Variants in PDGFB observed in about 807,000 individuals in gnomAD.
The protein encoded by PDGFB is platelet-derived growth factor subunit B.
PDGFB carries 6 observed loss-of-function variants against 29.0 expected under a neutral mutation model. The observed-to-expected ratio is 0.21, with a 90% CI of 0.11 to 0.41. PDGFB has a LOEUF of 0.41. PDGFB is among the 10% of genes least tolerant of loss of function. PDGFB has a pLI of 1.00. For synonymous variants in PDGFB, 144 were observed against 140.8 expected (o/e 1.02, Z -0.16); for missense variants, 299 against 341.8 (o/e 0.87, Z 0.99).
chr22:39,233,964 GCCCCTCT>G (rs1932376753), intron 2 of PDGFB, among the ~76,000 whole-genome samples: 1 of 139,980 alleles, frequency 7.1e-6, no homozygotes, highest in Non-Finnish European at 1.5e-5. Context: ...CCTGAACACA[GCCCCTCT>G]GGAGCCCCGG....
intron 5 of PDGFB, 87 bp downstream of exon 5, chr22:39,229,997 G>T: frequency 1.4e-6 from 2 of 1,461,578 alleles, no homozygotes; most frequent in Non-Finnish European, 1.9e-6. Flanking sequence ...GGGCGGGCCT[G>T]ATCCCATTTC....
Position 39,242,894 on chromosome 22 carries a change from C to G in PDGFB, c.63+1007G>C, listed in dbSNP as rs565483109. 2 of 232,888 alleles carry G rather than the reference C, an allele frequency of 8.6e-6. No homozygotes were observed. Among genetic ancestry groups the G allele is most frequent in the Admixed American group, 5.6e-5 (1 of 17,780 alleles). The allele number at this position is 232,888 out of a possible 1,614,324, so 14.4% of individuals were successfully genotyped here. On this transcript the variant is annotated intron_variant, in intron 1 of 6. Coordinates refer to ENST00000331163, the MANE Select transcript of PDGFB (RefSeq NM_002608.4). The surrounding 1 kb of genome is among the most constrained non-coding windows in gnomAD (Gnocchi z 5.7). ...GGCTGCCCTCTCCTCCCCTCCACCGCGCGCGTCGTCCTGCCCCGCCCCCTT... is the reference window on the plus strand; with the variant it reads ...GGCTGCCCTCTCCTCCCCTCCACCGGGCGCGTCGTCCTGCCCCGCCCCCTT...
rs767835511 is a variant in PDGFB at position 39,240,862 on chromosome 22, A to G, written c.63+3039T>C. On this transcript the variant is annotated intron_variant, in intron 1 of 6. Transcript: ENST00000331163. Reference sequence around the variant, plus strand: ...ACGTGGAGAGGTACTTACGAGGCCCATGATAAACATCTCACCATTCCTGCT... The same window carrying G: ...ACGTGGAGAGGTACTTACGAGGCCCGTGATAAACATCTCACCATTCCTGCT... The G allele has an allele frequency of 3.1e-5, 50 of 1,613,576 alleles. No individual in the cohort carries two copies. The East Asian group carries it at 4.0e-4, about 13-fold the overall frequency.
intron 1 of PDGFB, chr22:39,240,735 G>T: frequency 8.4e-7 from 1 of 1,183,528 alleles, no homozygotes; most frequent in South Asian, 1.2e-5. Flanking sequence ...TAATGGGGTT[G>T]ACACTCCAGT....
chr22:39,228,298 A>T (rs1255841506), intron 5 of PDGFB, among the ~76,000 whole-genome samples: 1 of 152,262 alleles, frequency 6.6e-6, no homozygotes, highest in East Asian at 1.9e-4. Context: ...CACTCTAAAC[A>T]TAAAGAAGGC....
At chr22:39,240,100 T>C (rs903259847) in intron 1 of PDGFB, among the ~76,000 whole-genome samples, 53 of 152,228 alleles carry the variant, frequency 3.5e-4, no homozygotes, top group African/African-American at 1.3e-3. Context: ...CCACCTAGCA[T>C]TCCCCTTCTT....
Position 39,243,987 on chromosome 22 carries a change from G to A in PDGFB, c.-24C>T, listed in dbSNP as rs1021409439. 2.5e-6 allele frequency: 4 copies of A among 1,570,090 alleles called. No individual in the cohort carries two copies. In the Admixed American group the frequency reaches 5.4e-5, roughly 21 times the overall value. ...ATGCCGACTCCGGGCCCGGCCCCGC[G>A]GGGCCCCGGACGCGTAGATCGAGCG... On this transcript the variant is annotated 5_prime_UTR_variant, in exon 1 of 7. Coordinates refer to ENST00000331163, the MANE Select transcript of PDGFB (RefSeq NM_002608.4). The surrounding 1 kb of genome is among the most constrained non-coding windows in gnomAD (Gnocchi z 6.4).
intron 2 of PDGFB, among the ~76,000 whole-genome samples, chr22:39,234,095 G>C (rs1304155204): frequency 2.6e-5 from 4 of 152,104 alleles, no homozygotes; most frequent in South Asian, 2.1e-4. Flanking sequence ...TGGGCCTGCT[G>C]GGGGTGGGGA....
intron 1 of PDGFB, among the ~76,000 whole-genome samples, chr22:39,238,201 G>A (rs1396267290): frequency 6.6e-6 from 1 of 152,184 alleles, no homozygotes. Flanking sequence ...GAGGAGGAGA[G>A]AGAGGCACAT....
In PDGFB at chr22:39,231,890, G is replaced by A; in HGVS notation, c.251-63C>T. The A allele has an allele frequency of 4.8e-6, 7 of 1,461,166 alleles. 1 individual carries two copies. The South Asian group carries it at 8.4e-5, about 18-fold the overall frequency. The allele number at this position is 1,461,166 out of a possible 1,614,324, so 90.5% of individuals were successfully genotyped here. ...TGTCCAGAGTCCCCCCACTTGGCAG[G>A]GGAGCTCAGCGGGTGCCTCCGGGAC... On this transcript the variant is annotated intron_variant, in intron 3 of 6. Transcript: ENST00000331163. This position sits in a 1 kb window ranked among gnomAD's most constrained non-coding sequence, Gnocchi z 4.3.
intron 1 of PDGFB, among the ~76,000 whole-genome samples, chr22:39,236,363 C>T (rs1330530844): frequency 6.6e-6 from 1 of 152,200 alleles, no homozygotes. Flanking sequence ...AGCCTGTACT[C>T]CCAGGCTCCT....
chr22:39,240,047 C>A (rs73884886), intron 1 of PDGFB, among the ~76,000 whole-genome samples: 6,549 of 152,294 alleles, frequency 0.043, 411 homozygotes, highest in African/African-American at 0.15. Context: ...TTTGAAGAAG[C>A]CCTCTCGGGG....
In PDGFB at chr22:39,244,377, G is replaced by A. The variant is rs1436066915; in HGVS notation, c.-414C>T. On this transcript the variant is annotated 5_prime_UTR_variant, in exon 1 of 7. Transcript: ENST00000331163. This position sits in a 1 kb window ranked among gnomAD's most constrained non-coding sequence, Gnocchi z 4.5. ...TCGCCGGCTACAGGCGTTTTCCTCTGCCCGCCGGCTTAGCTTTTTTGCAAC... is the reference window on the plus strand; with the variant it reads ...TCGCCGGCTACAGGCGTTTTCCTCTACCCGCCGGCTTAGCTTTTTTGCAAC... 1 of 192,724 alleles carries A rather than the reference G, an allele frequency of 5.2e-6. No homozygotes were observed. The highest frequency in any genetic ancestry group is 2.3e-5 in the African/African-American group (1 of 42,934). The allele number at this position is 192,724 out of a possible 1,614,324, so 11.9% of individuals were successfully genotyped here. A position where few individuals can be genotyped will look rare whatever the true frequency, so the allele number is the denominator to read the frequency against.
rs749437904 is a variant in PDGFB, at chr22:39,234,725, A to G, written c.160+1053T>C. ...AAAGATGCGCTTTGTGGAAAGGTTAAGTTGATTAGGAAAAAATAGCCACAT... is the reference window on the plus strand; with the variant it reads ...AAAGATGCGCTTTGTGGAAAGGTTAGGTTGATTAGGAAAAAATAGCCACAT... On this transcript the variant is annotated intron_variant, in intron 2 of 6. Transcript: ENST00000331163. Among the ~76,000 whole-genome samples, 18 of 152,366 alleles carry G rather than the reference A, an allele frequency of 1.2e-4. 1 individual carries two copies. The highest frequency in any genetic ancestry group is 3.4e-3 in the Middle Eastern group (1 of 294).
intron 1 of PDGFB, chr22:39,241,156 A>T (rs549255120): frequency 3.7e-6 from 2 of 533,868 alleles, no homozygotes; most frequent in South Asian, 4.6e-5. Context: ...GTCACGTGAC[A>T]GTGGGACTCG....
intron 5 of PDGFB, among the ~76,000 whole-genome samples, chr22:39,227,086 G>T (rs540033355): frequency 6.6e-6 from 1 of 152,222 alleles, no homozygotes; most frequent in Non-Finnish European, 1.5e-5. Context: ...AGCCTCCCGA[G>T]TAGCTGGGAT....
rs1440983404 is a variant in PDGFB at position 39,243,289 on chromosome 22, T to C, written c.63+612A>G. Among the ~76,000 whole-genome samples the C allele has an allele frequency of 1.3e-5, 2 of 151,606 alleles. No homozygotes were observed. Among genetic ancestry groups the C allele is most frequent in the Non-Finnish European group, 2.9e-5 (2 of 67,846 alleles). ...CTCTCTCTCTTTCTCTCTCTCTCTC[T>C]CTCTCTCCCTGTTACTCCCACCCCA... On this transcript the variant is annotated intron_variant, in intron 1 of 6. Coordinates refer to ENST00000331163, the MANE Select transcript of PDGFB (RefSeq NM_002608.4). The surrounding 1 kb of genome is among the most constrained non-coding windows in gnomAD (Gnocchi z 6.4).
Position 39,243,998 on chromosome 22 carries a change from C to G in PDGFB, c.-35G>C. The G allele has an allele frequency of 7.3e-7, 1 of 1,363,876 alleles. No homozygotes were observed. Among genetic ancestry groups the G allele is most frequent in the Non-Finnish European group, 9.8e-7 (1 of 1,022,910 alleles). The allele number at this position is 1,363,876 out of a possible 1,614,324, so 84.5% of individuals were successfully genotyped here. On this transcript the variant is annotated 5_prime_UTR_variant, in exon 1 of 7. Coordinates refer to ENST00000331163, the MANE Select transcript of PDGFB (RefSeq NM_002608.4). The surrounding 1 kb of genome is among the most constrained non-coding windows in gnomAD (Gnocchi z 6.4). ...GGGCCCGGCCCCGCGGGGCCCCGGA[C>G]GCGTAGATCGAGCGCGCCGCCCCCG... is the stretch of plus-strand genomic sequence containing the variant.
rs190810375 is a variant in PDGFB, at chr22:39,224,895, C to A, written c.*447G>T. On this transcript the variant is annotated 3_prime_UTR_variant, in exon 7 of 7. Coordinates refer to ENST00000331163, the MANE Select transcript of PDGFB (RefSeq NM_002608.4). ...AGCCTGGCCTGCCTGGAGGTGCCTC[C>A]CCTCAGAGCTGGCCAGGGGTTCAGG... The A allele has an allele frequency of 7.1e-3, 1,088 of 152,506 alleles. 6 individuals carry two copies. Among genetic ancestry groups the A allele is most frequent in the Middle Eastern group, 0.02 (6 of 294 alleles). 9.4% of individuals were successfully genotyped at this position (152,506 alleles called of 1,614,324 possible).
Sources: gnomAD v4.1 joint callset for allele counts (sites outside exome capture counted in the v4.1 genomes callset) on GRCh38, gnomAD v4.1.1 for gene constraint, Gnocchi (gnomAD v3.1) non-coding constraint, MANE v1.5 for transcripts, NCBI Gene and HGNC (gene_info 2026-07-23, HGNC 2026-07-21) for gene names.